Variants in PTPRG observed in about 807,000 individuals in gnomAD.
PTPRG encodes the protein protein tyrosine phosphatase receptor type G, also known as receptor-type tyrosine-protein phosphatase gamma.
Under a neutral mutation model 165.3 loss-of-function variants are expected in PTPRG, and 102 were observed. The observed-to-expected ratio is 0.62, with a 90% CI of 0.53 to 0.73. The LOEUF (loss-of-function observed/expected upper bound fraction) is 0.73, where lower values mean the gene tolerates loss of function less well. Among genes scored for constraint, PTPRG ranks in the 30% least tolerant of loss-of-function variants. The probability of loss-of-function intolerance (pLI) is 0.00; values close to 1 mark genes in which losing one functional copy is unlikely to be tolerated. For synonymous variants in PTPRG, 675 were observed against 669.5 expected (o/e 1.01, Z -0.13); for missense variants, 1,866 against 1,861.4 (o/e 1.00, Z -0.05).
At chr3:61,623,833 C>T in intron 1 of PTPRG, among the ~76,000 whole-genome samples, 1 of 152,168 alleles carries the variant, frequency 6.6e-6, no homozygotes, top group East Asian at 1.9e-4. Flanking sequence ...TTATAACTAT[C>T]ACTTGAAGAA....
Position 61,576,148 on chromosome 3 carries a change from T to C in PTPRG, c.85+13776T>C, listed in dbSNP as rs545069279. On this transcript the variant is annotated intron_variant, in intron 1 of 29. Coordinates refer to ENST00000474889, the MANE Select transcript of PTPRG (RefSeq NM_002841.4). ...CTTTCTTCTGTGCAGAGCAGGAGTG[T>C]GATGAATTAAGGCTCACAGGGCTAC... Among the ~76,000 whole-genome samples, 110 of 152,280 alleles carry C rather than the reference T, an allele frequency of 7.2e-4. 1 individual carries two copies. Among genetic ancestry groups the C allele is most frequent in the African/African-American group, 2.6e-3 (108 of 41,566 alleles).
Position 62,271,569 on chromosome 3 carries a change from T to C in PTPRG, c.3182+14T>C. Reference sequence around the variant, plus strand: ...GGTGCACTGCAGGTAGGGTCTAGGATTCAACATGTGAAATAGATGGGGCAG... The same window carrying C: ...GGTGCACTGCAGGTAGGGTCTAGGACTCAACATGTGAAATAGATGGGGCAG... On this transcript the variant is annotated intron_variant, in intron 21 of 29. Coordinates refer to ENST00000474889, the MANE Select transcript of PTPRG (RefSeq NM_002841.4). This position sits in a 1 kb window ranked among gnomAD's most constrained non-coding sequence, Gnocchi z 4.1. The C allele has an allele frequency of 6.2e-7, 1 of 1,607,940 alleles. No homozygotes were observed. Among genetic ancestry groups the C allele is most frequent in the South Asian group, 1.1e-5 (1 of 90,074 alleles).
intron 2 of PTPRG, among the ~76,000 whole-genome samples, chr3:61,841,593 C>T (rs542599810): frequency 6.6e-6 from 1 of 152,022 alleles, no homozygotes; most frequent in African/African-American, 2.4e-5. Flanking sequence ...CCACCCCCAC[C>T]TTACCCCTCT....
chr3:61,999,643 C>T (rs1430800681), intron 3 of PTPRG, among the ~76,000 whole-genome samples: 1 of 151,998 alleles, frequency 6.6e-6, no homozygotes, highest in African/African-American at 2.4e-5. Context: ...GTACCGTTTT[C>T]TTCTAATTTA....
At chr3:61,953,883 T>C (rs2039962180) in intron 2 of PTPRG, among the ~76,000 whole-genome samples, 1 of 151,472 alleles carries the variant, frequency 6.6e-6, no homozygotes, top group East Asian at 1.9e-4. Context: ...TACAATCTGC[T>C]GCTCTCTTCA....
chr3:61,952,703 C>G (rs2039928875), intron 2 of PTPRG, among the ~76,000 whole-genome samples: 1 of 152,116 alleles, frequency 6.6e-6, no homozygotes, highest in African/African-American at 2.4e-5. Context: ...CTTTCTGTCC[C>G]CAGGAGTGGC....
At chr3:61,676,565 CA>C (rs1269460583) in intron 1 of PTPRG, among the ~76,000 whole-genome samples, 1 of 151,058 alleles carries the variant, frequency 6.6e-6, no homozygotes, top group African/African-American at 2.4e-5. Context: ...CACACAAACA[CA>C]CACACAATTT....
intron 4 of PTPRG, among the ~76,000 whole-genome samples, chr3:62,007,334 A>G (rs2041321777): frequency 6.6e-6 from 1 of 152,280 alleles, no homozygotes; most frequent in African/African-American, 2.4e-5. Context: ...CCTACACTTA[A>G]AAACATCTAG....
At chr3:61,731,251 T>C (rs779780943) in intron 1 of PTPRG, among the ~76,000 whole-genome samples, 2 of 152,108 alleles carry the variant, frequency 1.3e-5, no homozygotes, top group Non-Finnish European at 2.9e-5. Flanking sequence ...AGGTAGAGAA[T>C]TGAAAGACAG....
intron 1 of PTPRG, among the ~76,000 whole-genome samples, chr3:61,710,959 C>T (rs1559568442): frequency 6.6e-6 from 1 of 151,456 alleles, no homozygotes; most frequent in Non-Finnish European, 1.5e-5. Context: ...GTGTGATGTT[C>T]CCCTCCCTGT....
chr3:62,076,244 G>A (rs1187347332), intron 4 of PTPRG, among the ~76,000 whole-genome samples: 1 of 152,058 alleles, frequency 6.6e-6, no homozygotes, highest in Non-Finnish European at 1.5e-5. Context: ...CCATGATCAT[G>A]CCATTGCACT....
At chr3:62,010,409 A>G (rs1015067939) in intron 4 of PTPRG, among the ~76,000 whole-genome samples, 1 of 140,610 alleles carries the variant, frequency 7.1e-6, no homozygotes, top group African/African-American at 2.8e-5. Context: ...TAAGTTCATA[A>G]TATCACTGTT....
At chr3:62,107,471 C>T (rs1030987778) in intron 5 of PTPRG, among the ~76,000 whole-genome samples, 3 of 152,170 alleles carry the variant, frequency 2.0e-5, no homozygotes, top group African/African-American at 7.2e-5. Flanking sequence ...GTTTCTAAGT[C>T]CCAGGCAATA....
At chr3:62,003,310 C>G (rs376095774) in intron 3 of PTPRG, 39 bp from the exon 4 acceptor site, 79 of 1,582,454 alleles carry the variant, frequency 5.0e-5, no homozygotes, top group Non-Finnish European at 6.8e-5. Context: ...GGTTTTGAAA[C>G]TCACTTTGTT....
At chr3:62,142,434 T>G (rs1221998128) in intron 6 of PTPRG, among the ~76,000 whole-genome samples, 1 of 152,070 alleles carries the variant, frequency 6.6e-6, no homozygotes, top group Admixed American at 6.5e-5. Context: ...ACACCAGAGC[T>G]CACTTCAGGA....
Position 62,245,345 on chromosome 3 carries a change from T to C in PTPRG, c.2467+1447T>C, listed in dbSNP as rs1312557153. Reference sequence around the variant, plus strand: ...TACTGGATTTGCACAATAGCGTGCATATACTTTTTCCTCTTGCTTTACCTA... The same window carrying C: ...TACTGGATTTGCACAATAGCGTGCACATACTTTTTCCTCTTGCTTTACCTA... On this transcript the variant is annotated intron_variant, in intron 15 of 29. Coordinates refer to ENST00000474889, the MANE Select transcript of PTPRG (RefSeq NM_002841.4). This position sits in a 1 kb window ranked among gnomAD's most constrained non-coding sequence, Gnocchi z 4.2. Among the ~76,000 whole-genome samples, 3 of 152,292 alleles carry C rather than the reference T, an allele frequency of 2.0e-5. No individual in the cohort carries two copies. The highest frequency in any genetic ancestry group is 7.2e-5 in the African/African-American group (3 of 41,562).
At chr3:62,109,710 C>G (rs1702599140) in intron 5 of PTPRG, among the ~76,000 whole-genome samples, 1 of 152,278 alleles carries the variant, frequency 6.6e-6, no homozygotes, top group Admixed American at 6.5e-5. Context: ...AGCTGATCAG[C>G]AAGAGGGAGG....
In PTPRG at chr3:62,293,199, G is replaced by C; in HGVS notation, c.4230G>C (p.Leu1410Phe). Residue 1410 changes from leucine (L) to phenylalanine (F), a missense_variant, in exon 30 of 30, where the codon TTG becomes TTC. Coordinates refer to ENST00000474889, the MANE Select transcript of PTPRG (RefSeq NM_002841.4). ...TCATCTATAAAGCAATGCTTAGCTT[G>C]GTCAGCACTAAAGAAAATGGAAATG... Reference protein sequence around the residue: ...YQFIYKAMLSLVSTKENGNGP... With the variant: ...YQFIYKAMLSFVSTKENGNGP... 1.2e-6 allele frequency: 2 copies of C among 1,608,032 alleles called. No individual in the cohort carries two copies. The highest frequency in any genetic ancestry group is 2.7e-5 in the African/African-American group (2 of 74,642).
intron 5 of PTPRG, among the ~76,000 whole-genome samples, chr3:62,114,889 C>T (rs1404476953): frequency 6.6e-6 from 1 of 152,158 alleles, no homozygotes; most frequent in Non-Finnish European, 1.5e-5. Flanking sequence ...ATCCTCCCAT[C>T]TCAGCCTCCC....
Sources: allele counts gnomAD v4.1 joint callset (sites outside exome capture counted in the v4.1 genomes callset), GRCh38; gene constraint gnomAD v4.1.1; non-coding constraint Gnocchi (gnomAD v3.1); transcripts MANE v1.5; gene names NCBI Gene and HGNC (gene_info 2026-07-23, HGNC 2026-07-21).